Variants in CNBD1 observed in about 807,000 individuals in gnomAD.
CNBD1 encodes the protein cyclic nucleotide-binding domain-containing protein 1.
In CNBD1, 71 loss-of-function variants were observed where a neutral mutation model predicts 54.4. That is an observed-to-expected ratio of 1.30 (90% CI 1.08 to 1.59). The LOEUF is 1.59. CNBD1 is among the 40% of genes most tolerant of loss of function. The pLI, the probability that CNBD1 is intolerant of heterozygous loss-of-function variation, is 0.00. For synonymous variants in CNBD1, 182 were observed against 170.7 expected, an observed-to-expected ratio of 1.07 and a Z score of -0.51; for missense variants, 659 against 518.0, an observed-to-expected ratio of 1.27 and a Z score of -2.64.
intron 1 of CNBD1, among the ~76,000 whole-genome samples, chr8:86,871,057 T>A (rs1231666690): frequency 2.0e-5 from 3 of 152,212 alleles, no homozygotes; most frequent in Admixed American, 6.5e-5. Context: ...ACATTTAGTA[T>A]TTTTTTCCTA....
At chr8:87,261,433 G>A (rs1274365882) in intron 6 of CNBD1, among the ~76,000 whole-genome samples, 2 of 149,962 alleles carry the variant, frequency 1.3e-5, no homozygotes, top group Non-Finnish European at 2.9e-5. Context: ...GTTTAATTGA[G>A]CAATGAACCA....
At chr8:87,160,812 T>G (rs544456831) in intron 4 of CNBD1, among the ~76,000 whole-genome samples, 3 of 152,150 alleles carry the variant, frequency 2.0e-5, no homozygotes, top group African/African-American at 7.2e-5. Context: ...CAGTGCCCCA[T>G]GCCAGTTACA....
At chr8:87,321,631 T>C (rs1329886431) in intron 8 of CNBD1, among the ~76,000 whole-genome samples, 1 of 152,100 alleles carries the variant, frequency 6.6e-6, no homozygotes, top group East Asian at 1.9e-4. Context: ...TTTTCTCTCA[T>C]TCCATAGGCT....
intron 10 of CNBD1, among the ~76,000 whole-genome samples, chr8:87,377,938 G>T (rs1292814444): frequency 6.8e-6 from 1 of 148,088 alleles, no homozygotes; most frequent in South Asian, 2.1e-4. Context: ...TTTTTTGGCT[G>T]CATAAATGTC....
chr8:87,100,386 C>G (rs1811406857), intron 4 of CNBD1, among the ~76,000 whole-genome samples: 1 of 152,020 alleles, frequency 6.6e-6, no homozygotes, highest in Non-Finnish European at 1.5e-5. Context: ...AAAAATGAAA[C>G]TATTTCAAAT....
intron 8 of CNBD1, among the ~76,000 whole-genome samples, chr8:87,323,446 G>A (rs1407654702): frequency 2.3e-5 from 3 of 133,026 alleles, no homozygotes; most frequent in Admixed American, 7.4e-5. Flanking sequence ...AGCATGGAAT[G>A]TTCTTCCATT....
intron 4 of CNBD1, among the ~76,000 whole-genome samples, chr8:87,175,572 G>T (rs947832306): frequency 5.3e-5 from 8 of 152,192 alleles, no homozygotes; most frequent in Non-Finnish European, 7.3e-5. Context: ...GAGCTTTGTA[G>T]CTCTGCCCCC....
At chr8:87,260,397 G>T (rs1435128107) in intron 6 of CNBD1, among the ~76,000 whole-genome samples, 2 of 152,142 alleles carry the variant, frequency 1.3e-5, no homozygotes, top group Non-Finnish European at 2.9e-5. Context: ...TGAGCAGTGA[G>T]CTTATGGGGG....
In CNBD1 at chr8:87,229,015, G is replaced by C. The variant is rs1339796328; in HGVS notation, c.578-7904G>C. On this transcript the variant is annotated intron_variant, in intron 5 of 10. Coordinates refer to ENST00000518476, the MANE Select transcript of CNBD1 (RefSeq NM_173538.3). ...GTGACCCGATTTTCCCGATTTTCCA[G>C]GTGCGGTCCCTCACCCCTTTCTTTG... Among the ~76,000 whole-genome samples, 4 of 152,248 alleles carry C rather than the reference G, an allele frequency of 2.6e-5. No individual in the cohort carries two copies. The East Asian group carries it at 7.7e-4, about 29-fold the overall frequency.
intron 3 of CNBD1, among the ~76,000 whole-genome samples, chr8:86,933,102 G>C (rs117400317): frequency 0.02 from 2,977 of 152,292 alleles, 216 homozygotes; most frequent in Admixed American, 0.14. Context: ...CATTGGAAGA[G>C]TGATGCCTTT....
chr8:86,918,686 A>G (rs527761576), intron 3 of CNBD1, among the ~76,000 whole-genome samples: 1 of 152,002 alleles, frequency 6.6e-6, no homozygotes, highest in South Asian at 2.1e-4. Context: ...AGGCCTCCCC[A>G]GCCAGATGGA....
At position 87,316,448 on chromosome 8, in the gene CNBD1, T is replaced by C. The variant is rs145150871; in HGVS notation, c.1042+29777T>C. On this transcript the variant is annotated intron_variant, in intron 8 of 10. Transcript: ENST00000518476. Reference sequence around the variant, plus strand: ...GTTAGAAAACAAGAATCTTATGTAATTTAGGTAGGTGTGTCAATTGATGCA... The same window carrying C: ...GTTAGAAAACAAGAATCTTATGTAACTTAGGTAGGTGTGTCAATTGATGCA... Among the ~76,000 whole-genome samples the C allele has an allele frequency of 2.0e-5, 3 of 152,104 alleles. No homozygotes were observed. In the East Asian group the frequency reaches 5.8e-4, roughly 29 times the overall value.
intron 4 of CNBD1, among the ~76,000 whole-genome samples, chr8:87,076,665 A>G (rs892364350): frequency 6.6e-6 from 1 of 152,062 alleles, no homozygotes; most frequent in South Asian, 2.1e-4. Context: ...GATAGTCTCG[A>G]TCTCCTGACC....
chr8:87,108,280 A>G (rs896967601), intron 4 of CNBD1, among the ~76,000 whole-genome samples: 2 of 152,174 alleles, frequency 1.3e-5, no homozygotes, highest in Admixed American at 6.5e-5. Flanking sequence ...TAATACTACA[A>G]TTTCAAACAA....
At chr8:86,985,496 T>C (rs1808586374) in intron 4 of CNBD1, among the ~76,000 whole-genome samples, 2 of 152,210 alleles carry the variant, frequency 1.3e-5, no homozygotes, top group Admixed American at 6.5e-5. Flanking sequence ...TTTTATTTTC[T>C]GTTCTTGCAT....
rs111743049 is a variant in CNBD1, at chr8:87,274,913, C to T, written c.772-9765C>T. Among the ~76,000 whole-genome samples, 220 of 119,976 alleles carry T rather than the reference C, an allele frequency of 1.8e-3. 8 individuals carry two copies. The highest frequency in any genetic ancestry group is 4.3e-3 in the South Asian group (15 of 3,526). The allele number at this position is 119,976 out of a possible 152,430, so 78.7% of individuals were successfully genotyped here. ...AGGGTTTTTATGGTTTTAGGTGTAA[C>T]GTTTAAGTCTTTAATCCATCTTGAA... On this transcript the variant is annotated intron_variant, in intron 6 of 10. Transcript: ENST00000518476.
intron 1 of CNBD1, among the ~76,000 whole-genome samples, chr8:86,867,042 C>T (rs1563804264): frequency 6.6e-6 from 1 of 152,102 alleles, no homozygotes; most frequent in East Asian, 1.9e-4. Context: ...TCCTACTATT[C>T]TGACTGTGAA....
At chr8:86,989,493 C>T (rs1033955882) in intron 4 of CNBD1, among the ~76,000 whole-genome samples, 3 of 151,944 alleles carry the variant, frequency 2.0e-5, no homozygotes, top group African/African-American at 7.3e-5. Context: ...CTCTGTTGCC[C>T]AGGCTAGAGT....
intron 8 of CNBD1, among the ~76,000 whole-genome samples, chr8:87,300,996 C>G (rs1242775243): frequency 1.3e-5 from 2 of 151,928 alleles, no homozygotes; most frequent in African/African-American, 4.8e-5. Flanking sequence ...AATAACCCCA[C>G]TAAGAAACAA....
Sources: allele counts gnomAD v4.1 joint callset (sites outside exome capture counted in the v4.1 genomes callset), GRCh38; gene constraint gnomAD v4.1.1; transcripts MANE v1.5; gene names NCBI Gene and HGNC (gene_info 2026-07-23, HGNC 2026-07-21).